TYRP1: variants seen among roughly 807,000 people sequenced by gnomAD.
TYRP1 encodes tyrosinase related protein 1.
A neutral mutation model predicts 42.8 loss-of-function variants in TYRP1; 49 were observed. That is an observed-to-expected ratio of 1.14 (90% CI 0.91 to 1.45). TYRP1 has a LOEUF of 1.45. TYRP1 is among the 40% of genes most tolerant of loss of function. The pLI is 0.00. For synonymous variants in TYRP1, 279 were observed against 235.4 expected (o/e 1.19, Z -1.69); for missense variants, 848 against 662.0 (o/e 1.28, Z -3.08).
At chr9:12,704,472 A>G in intron 5 of TYRP1, 54 bp from the exon 6 acceptor site, 1 of 1,583,668 alleles carries the variant, frequency 6.3e-7, no homozygotes. Flanking sequence ...TATTACCTGG[A>G]AAAGTGAAAT....
chr9:12,698,791 G>C, intron 4 of TYRP1, 136 bp downstream of exon 4: 2 of 866,754 alleles, frequency 2.3e-6, no homozygotes, highest in South Asian at 3.1e-5. Flanking sequence ...CAGTGTACCA[G>C]GCATTCATTA....
At chr9:12,703,665 A>G (rs1818210419) in intron 5 of TYRP1, among the ~76,000 whole-genome samples, 6 of 151,994 alleles carry the variant, frequency 3.9e-5, no homozygotes, top group Admixed American at 3.3e-4. Context: ...TGGCTAAATA[A>G]GTGGCTACAA....
rs1341589673 is a variant in TYRP1, at chr9:12,708,001, A to G, written c.1266A>G (p.Ile422Met). Residue 422 changes from isoleucine to methionine, a missense_variant, in exon 7 of 8, where the codon ATA (isoleucine) becomes ATG (methionine). Ile to Met is a conservative substitution (Grantham distance 10). Transcript: ENST00000388918. ...GTTGTCTTTGGAATAATTTAGATATATCCACATTTCCATTGGAAAATGCCC... is the reference window on the plus strand; with the variant it reads ...GTTGTCTTTGGAATAATTTAGATATGTCCACATTTCCATTGGAAAATGCCC... ...DEWLRRYNAD[I>M]STFPLENAPI... 4.3e-6 allele frequency: 7 copies of G among 1,610,732 alleles called. No individual in the cohort carries two copies. Among genetic ancestry groups the G allele is most frequent in the Non-Finnish European group, 5.9e-6 (7 of 1,177,866 alleles).
In TYRP1 at chr9:12,704,545, A is replaced by C. The variant is rs1338215852; in HGVS notation, c.1101A>C (p.Gly367=). 2.5e-6 allele frequency: 4 copies of C among 1,611,732 alleles called. No individual in the cohort carries two copies. In the Admixed American group the frequency reaches 6.7e-5, roughly 27 times the overall value. The change falls in exon 6 of 8, where the codon GGA becomes GGC. Residue 367 remains glycine, a synonymous_variant. Transcript: ENST00000388918. Reference sequence around the variant, plus strand: ...GTCTAGGTTACAGTGACCCCACGGGAAAGTATGACCCTGCTGTTCGAAGTC... The same window carrying C: ...GTCTAGGTTACAGTGACCCCACGGGCAAGTATGACCCTGCTGTTCGAAGTC... The part of the protein sequence containing the change: ...NTVEGYSDPT[G]KYDPAVRSLH...
intron 5 of TYRP1, among the ~76,000 whole-genome samples, chr9:12,703,199 A>T (rs1818201325): frequency 6.6e-6 from 1 of 151,942 alleles, no homozygotes; most frequent in African/African-American, 2.4e-5. Context: ...TGTTATTGTT[A>T]AATTTTTACC....
In TYRP1 at chr9:12,708,123, CTT is replaced by C. The variant is rs1818290700; in HGVS notation, c.1389_1390del (p.Tyr464Ter). 7 of 1,612,574 alleles carry C rather than the reference CTT, an allele frequency of 4.3e-6. No individual in the cohort carries two copies. The highest frequency in any genetic ancestry group is 4.0e-5 in the African/African-American group (3 of 74,800). ...ACTGCTCCAGACAACCTGGGATACA[CTT>C]ATGAAATTCAATGGCCAAGTGAGTG... is the stretch of plus-strand genomic sequence containing the variant. On this transcript the variant is annotated frameshift_variant, in exon 7 of 8. Coordinates refer to ENST00000388918, the MANE Select transcript of TYRP1 (RefSeq NM_000550.3). LOFTEE classifies it high-confidence loss of function.
At position 12,707,840 on chromosome 9, in the gene TYRP1, A is replaced by G. The variant is rs1586847391; in HGVS notation, c.1262-157A>G. ...CATTTTCTGTTTTATGTAATTTCTCATCCTGCTGTAGTGAAACTTCATATC... is the reference window on the plus strand; with the variant it reads ...CATTTTCTGTTTTATGTAATTTCTCGTCCTGCTGTAGTGAAACTTCATATC... On this transcript the variant is annotated intron_variant, in intron 6 of 7. Transcript: ENST00000388918. 13 of 665,132 alleles carry G rather than the reference A, an allele frequency of 2.0e-5. No individual in the cohort carries two copies. In the East Asian group the frequency reaches 3.6e-4, roughly 18 times the overall value. 41.2% of individuals were successfully genotyped at this position (665,132 alleles called of 1,614,324 possible). A position where few individuals can be genotyped will look rare whatever the true frequency, so the allele number is the denominator to read the frequency against.
intron 5 of TYRP1, among the ~76,000 whole-genome samples, chr9:12,703,604 A>C (rs533006431): frequency 6.6e-6 from 1 of 152,094 alleles, no homozygotes; most frequent in African/African-American, 2.4e-5. Context: ...CAATCTTTAA[A>C]TGTTTTTGAG....
At position 12,694,159 on chromosome 9, in the gene TYRP1, C is replaced by A. The variant is rs751545422; in HGVS notation, c.163C>A (p.Arg55Ser). The change falls in exon 2 of 8, where the codon CGC (arginine) becomes AGC (serine). Residue 55 changes from arginine (R) to serine (S), a missense_variant. Transcript: ENST00000388918. ...LSPVSGPGTD[R>S]CGSSSGRGRC... ...CCCTGTGTCTGGGCCTGGGACAGAC[C>A]GCTGTGGCTCATCATCAGGGAGGGG... 3.1e-6 allele frequency: 5 copies of A among 1,613,858 alleles called. No homozygotes were observed. The highest frequency in any genetic ancestry group is 4.2e-6 in the Non-Finnish European group (5 of 1,180,010).
In TYRP1 at chr9:12,702,300, C is replaced by A. The variant is rs750945877; in HGVS notation, c.943C>A (p.Pro315Thr). 8 of 1,613,070 alleles carry A rather than the reference C, an allele frequency of 5.0e-6. No homozygotes were observed. Among genetic ancestry groups the A allele is most frequent in the Non-Finnish European group, 6.8e-6 (8 of 1,179,418 alleles). ...CGAGGATGGGCCAATTAGGAGAAAT[C>A]CAGCTGGAAATGTGGCCAGACCAAT... is the stretch of plus-strand genomic sequence containing the variant. The part of the protein sequence containing the change: ...STEDGPIRRN[P>T]AGNVARPMVQ... Residue 315 changes from proline to threonine, a missense_variant, in exon 5 of 8, where the codon CCA becomes ACA. By Grantham distance (38) the Pro-to-Thr change is conservative. Transcript: ENST00000388918.
At chr9:12,704,151 A>G (rs1818220573) in intron 5 of TYRP1, among the ~76,000 whole-genome samples, 1 of 152,022 alleles carries the variant, frequency 6.6e-6, no homozygotes. Context: ...CAACCAGAGC[A>G]TTCTTCTCCC....
Position 12,693,977 on chromosome 9 carries a change from G to C in TYRP1, c.-20G>C. The C allele has an allele frequency of 6.2e-7, 1 of 1,613,320 alleles. No homozygotes were observed. Among genetic ancestry groups the C allele is most frequent in the South Asian group, 1.1e-5 (1 of 91,000 alleles). On this transcript the variant is annotated 5_prime_UTR_variant, in exon 2 of 8. Transcript: ENST00000388918. ...GAGCTGCAAACCAGGTCTTTGTTTT[G>C]CACTCTTATTTCAAGCAGAATGAGT...
chr9:12,706,290 T>C (rs567777643), intron 6 of TYRP1, among the ~76,000 whole-genome samples: 1 of 152,126 alleles, frequency 6.6e-6, no homozygotes, highest in South Asian at 2.1e-4. Flanking sequence ...AAATGGAGAC[T>C]ATTCAGTAAC....
intron 3 of TYRP1, among the ~76,000 whole-genome samples, chr9:12,696,823 A>T (rs1818086733): frequency 6.6e-6 from 1 of 152,208 alleles, no homozygotes; most frequent in Admixed American, 6.5e-5. Flanking sequence ...TATGTGAAAT[A>T]ACAGCAATGA....
chr9:12,706,622 A>G (rs565299696), intron 6 of TYRP1, among the ~76,000 whole-genome samples: 1 of 152,036 alleles, frequency 6.6e-6, no homozygotes, highest in Admixed American at 6.6e-5. Context: ...CCATAAAATT[A>G]TAGGATAGGT....
chr9:12,694,760 G>A (rs1818049512), intron 2 of TYRP1, among the ~76,000 whole-genome samples: 1 of 152,114 alleles, frequency 6.6e-6, no homozygotes, highest in South Asian at 2.1e-4. Context: ...TTCATGCTGA[G>A]ATCTACCTAG....
chr9:12,695,975 C>A, intron 3 of TYRP1, 138 bp downstream of exon 3: 1 of 880,578 alleles, frequency 1.1e-6, no homozygotes, highest in Non-Finnish European at 1.7e-6. Context: ...CTGTCTTTGG[C>A]ATTTCGTTTT....
chr9:12,706,211 A>C (rs1164792933), intron 6 of TYRP1, among the ~76,000 whole-genome samples: 1 of 151,988 alleles, frequency 6.6e-6, no homozygotes, highest in African/African-American at 2.4e-5. Context: ...TGGGAACTAC[A>C]TGGCAATGTT....
At chr9:12,704,399 T>TA (rs2118257925) in intron 5 of TYRP1, 127 bp from the exon 6 acceptor site, 1 of 942,562 alleles carries the variant, frequency 1.1e-6, no homozygotes, top group African/African-American at 1.6e-5. Flanking sequence ...GCAGTGCTGT[T>TA]ATATTAAGGC....
Sources: gnomAD v4.1 joint callset for allele counts (sites outside exome capture counted in the v4.1 genomes callset) on GRCh38, gnomAD v4.1.1 for gene constraint, MANE v1.5 for transcripts, NCBI Gene and HGNC (gene_info 2026-07-23, HGNC 2026-07-21) for gene names.